The following DIS3L2 variants were observed in gnomAD, a reference collection of about 807,000 sequenced individuals.
DIS3L2 encodes the protein DIS3-like exonuclease 2.
Under a neutral mutation model 97.5 loss-of-function variants are expected in DIS3L2, and 34 were observed. The observed-to-expected ratio is 0.35, with a 90% CI of 0.27 to 0.46. The LOEUF (loss-of-function observed/expected upper bound fraction) is 0.46, where lower values mean the gene tolerates loss of function less well. Among genes scored for constraint, DIS3L2 ranks in the 20% least tolerant of loss-of-function variants. The pLI is 1.00. For synonymous variants in DIS3L2, 435 were observed against 445.2 expected, an observed-to-expected ratio of 0.98 and a Z score of 0.29; for missense variants, 1,038 against 1,146.0, an observed-to-expected ratio of 0.91 and a Z score of 1.36.
intron 1 of DIS3L2, among the ~76,000 whole-genome samples, chr2:231,999,601 A>G (rs1693825731): frequency 6.6e-6 from 1 of 152,100 alleles, no homozygotes; most frequent in Admixed American, 6.5e-5. Flanking sequence ...TATTTGTTCC[A>G]TCTAGGATAT....
chr2:232,212,605 A>G (rs1692221578), intron 10 of DIS3L2, among the ~76,000 whole-genome samples: 1 of 152,234 alleles, frequency 6.6e-6, no homozygotes, highest in Non-Finnish European at 1.5e-5. Context: ...ACAAATTTTC[A>G]GACCAAATAG....
At chr2:232,210,959 C>G (rs1187904403) in intron 10 of DIS3L2, among the ~76,000 whole-genome samples, 1 of 151,740 alleles carries the variant, frequency 6.6e-6, no homozygotes, top group Admixed American at 6.6e-5. Flanking sequence ...GATAAGGGCT[C>G]TTTAAACATT....
chr2:232,051,627 A>T (rs1420770680), intron 5 of DIS3L2, among the ~76,000 whole-genome samples: 1 of 151,344 alleles, frequency 6.6e-6, no homozygotes, highest in Non-Finnish European at 1.5e-5. Flanking sequence ...CCCGGCTAAA[A>T]CGGTGAAACA....
chr2:232,244,056 A>G (rs1359147086), intron 11 of DIS3L2, among the ~76,000 whole-genome samples: 1 of 152,268 alleles, frequency 6.6e-6, no homozygotes, highest in Non-Finnish European at 1.5e-5. Flanking sequence ...AAGAAGATGC[A>G]GAAGTCTGGA....
intron 9 of DIS3L2, among the ~76,000 whole-genome samples, chr2:232,207,819 A>C (rs1218523980): frequency 6.6e-6 from 1 of 152,234 alleles, no homozygotes; most frequent in Admixed American, 6.5e-5. Context: ...AGCTAAATAT[A>C]TGTACAAACA....
chr2:231,971,604 C>A (rs1256449786), intron 1 of DIS3L2, among the ~76,000 whole-genome samples: 1 of 152,116 alleles, frequency 6.6e-6, no homozygotes, highest in Non-Finnish European at 1.5e-5. Context: ...CCCGCCACCA[C>A]CCCTGGCTAA....
chr2:231,991,881 C>G (rs1279775591), intron 1 of DIS3L2, among the ~76,000 whole-genome samples: 1 of 152,176 alleles, frequency 6.6e-6, no homozygotes, highest in Non-Finnish European at 1.5e-5. Flanking sequence ...CCACTGTGTG[C>G]TAGCCCTTCC....
chr2:232,238,434 G>A (rs1390836920), intron 10 of DIS3L2, 99 bp from the exon 11 acceptor site: 2 of 952,194 alleles, frequency 2.1e-6, no homozygotes, highest in Non-Finnish European at 3.2e-6. Context: ...TGCAGGTCCT[G>A]TGGCCTCTGG....
chr2:232,030,979 G>C (rs1350275092), intron 5 of DIS3L2, among the ~76,000 whole-genome samples: 1 of 152,146 alleles, frequency 6.6e-6, no homozygotes. Context: ...GTGACTAAAA[G>C]TATGGGCTTT....
At chr2:232,097,691 G>A (rs186997695) in intron 6 of DIS3L2, among the ~76,000 whole-genome samples, 4 of 152,242 alleles carry the variant, frequency 2.6e-5, no homozygotes, top group Admixed American at 2.6e-4. Context: ...TGCCATGTAA[G>A]AGCCAAGGCC....
chr2:232,236,169 C>T (rs987726407), intron 10 of DIS3L2, among the ~76,000 whole-genome samples: 1 of 152,092 alleles, frequency 6.6e-6, no homozygotes, highest in South Asian at 2.1e-4. Flanking sequence ...CTTGCCTGAA[C>T]CCCTTTTTTC....
Position 232,060,581 on chromosome 2 carries a change from T to C in DIS3L2, c.367-26906T>C, listed in dbSNP as rs151028706. Among the ~76,000 whole-genome samples the C allele has an allele frequency of 6.6e-5, 10 of 152,270 alleles. No individual in the cohort carries two copies. The East Asian group carries it at 1.9e-3, about 29-fold the overall frequency. On this transcript the variant is annotated intron_variant, in intron 5 of 20. Transcript: ENST00000325385. ...TAGCTCTGTAGTATAATTTGAAGTC[T>C]GGTAGAATGTGACTTTTCCAGTTTC... is the stretch of plus-strand genomic sequence containing the variant.
At chr2:232,176,911 C>G (rs1408363131) in intron 9 of DIS3L2, among the ~76,000 whole-genome samples, 1 of 147,694 alleles carries the variant, frequency 6.8e-6, no homozygotes, top group Non-Finnish European at 1.5e-5. Flanking sequence ...CCCACTAACT[C>G]GTCATCTAGC....
intron 10 of DIS3L2, among the ~76,000 whole-genome samples, chr2:232,217,540 C>T (rs777429899): frequency 2.2e-4 from 33 of 152,234 alleles, no homozygotes; most frequent in Admixed American, 8.5e-4. Context: ...ATGCCAATTG[C>T]AGGCTCCAGG....
intron 4 of DIS3L2, among the ~76,000 whole-genome samples, chr2:232,025,587 A>C (rs1262430879): frequency 6.6e-6 from 1 of 152,124 alleles, no homozygotes; most frequent in Non-Finnish European, 1.5e-5. Context: ...TTGACCCTGA[A>C]ACTTGAGTTG....
At chr2:231,972,454 C>T (rs933832367) in intron 1 of DIS3L2, among the ~76,000 whole-genome samples, 1 of 152,238 alleles carries the variant, frequency 6.6e-6, no homozygotes. Flanking sequence ...AATTTTTCAG[C>T]TTCCCTATAA....
At chr2:232,056,575 T>A (rs1695555742) in intron 5 of DIS3L2, among the ~76,000 whole-genome samples, 1 of 151,886 alleles carries the variant, frequency 6.6e-6, no homozygotes, top group Admixed American at 6.6e-5. Context: ...TTCCCTGACA[T>A]AATTGAGAAA....
chr2:231,984,014 A>G (rs1042787605), intron 1 of DIS3L2, among the ~76,000 whole-genome samples: 2 of 151,944 alleles, frequency 1.3e-5, no homozygotes, highest in Non-Finnish European at 1.5e-5. Context: ...GTTTTTGGGC[A>G]TTATTGAACT....
exon 14 of DIS3L2, chr2:232,343,548 G>A (rs1696161947): frequency 2.6e-6 from 4 of 1,568,068 alleles, no homozygotes; most frequent in African/African-American, 1.4e-5. Context: ...TAAGAGTAGA[G>A]GAGCAGACAA....
Sources: allele counts gnomAD v4.1 joint callset (sites outside exome capture counted in the v4.1 genomes callset), GRCh38; gene constraint gnomAD v4.1.1; transcripts MANE v1.5; gene names NCBI Gene and HGNC (gene_info 2026-07-23, HGNC 2026-07-21).